C19orf38: variants seen among roughly 807,000 people sequenced by gnomAD.
C19orf38 encodes chromosome 19 open reading frame 38, also known as protein HIDE1.
In C19orf38, 14 loss-of-function variants were observed where a neutral mutation model predicts 26.6. The observed-to-expected ratio is 0.53, with a 90% confidence interval of 0.35 to 0.82. The LOEUF (loss-of-function observed/expected upper bound fraction) is 0.82, where lower values mean the gene tolerates loss of function less well. Ranked by LOEUF, C19orf38 falls within the 40% of genes least tolerant of loss-of-function variation. C19orf38 has a pLI of 0.01. For missense variants in C19orf38, 261 were observed against 299.5 expected (o/e 0.87, Z 0.95); for synonymous variants, 132 against 128.5 (o/e 1.03, Z -0.18).
intron 1 of C19orf38, among the ~76,000 whole-genome samples, chr19:10,838,479 C>T (rs1470926807): frequency 6.6e-6 from 1 of 152,136 alleles, no homozygotes; most frequent in Admixed American, 6.6e-5. Context: ...CAGTGTTGTG[C>T]AGTGACTTCT....
At chr19:10,850,620 A>G in intron 2 of C19orf38, 53 bp downstream of exon 2, 1 of 1,515,950 alleles carries the variant, frequency 6.6e-7, no homozygotes, top group Non-Finnish European at 8.9e-7. Context: ...TCTCACATGG[A>G]CCTCTTGTGT....
At chr19:10,857,366 A>ATATATATATATATATAT (rs1433358051) in intron 3 of C19orf38, among the ~76,000 whole-genome samples, 2 of 56,102 alleles carry the variant, frequency 3.6e-5, no homozygotes, top group Non-Finnish European at 5.3e-5. Flanking sequence ...ATATATATAT[A>ATATATATATATATATAT]TTTTTTTTTT....
Position 10,869,106 on chromosome 19 carries a change from G to A in C19orf38, c.544-112G>A, listed in dbSNP as rs2073778843. 23 of 1,383,796 alleles carry A rather than the reference G, an allele frequency of 1.7e-5. 1 individual carries two copies. In the South Asian group the frequency reaches 2.6e-4, roughly 16 times the overall value. 85.7% of individuals were successfully genotyped at this position (1,383,796 alleles called of 1,614,324 possible). Reference sequence around the variant, plus strand: ...GACAGGTGGGTGTGGGTGGGGGCGGGATGAGAGGAGACCTGCTGGGCTGGC... The same window carrying A: ...GACAGGTGGGTGTGGGTGGGGGCGGAATGAGAGGAGACCTGCTGGGCTGGC... On this transcript the variant is annotated intron_variant, in intron 6 of 6. Transcript: ENST00000397820.
intron 2 of C19orf38, among the ~76,000 whole-genome samples, chr19:10,850,966 C>A (rs2073566634): frequency 6.6e-6 from 1 of 152,198 alleles, no homozygotes. Context: ...ACACAGGTAA[C>A]AGGTAGCCAG....
chr19:10,864,167 C>G (rs1434403790), intron 6 of C19orf38, among the ~76,000 whole-genome samples: 1 of 151,954 alleles, frequency 6.6e-6, no homozygotes, highest in East Asian at 1.9e-4. Context: ...TCAAGCAATT[C>G]TCATGCCTCA....
intron 3 of C19orf38, among the ~76,000 whole-genome samples, chr19:10,857,335 C>CACATATATATAT (rs1345312628): frequency 1.5e-5 from 1 of 68,936 alleles, no homozygotes. Flanking sequence ...CACACACACA[C>CACATATATATAT]ATACATATAT....
intron 2 of C19orf38, among the ~76,000 whole-genome samples, chr19:10,852,288 A>G (rs2073581017): frequency 6.6e-6 from 1 of 152,140 alleles, no homozygotes; most frequent in Non-Finnish European, 1.5e-5. Context: ...GTTTCTGAGC[A>G]CTTACTATGG....
At chr19:10,856,432 C>T in intron 3 of C19orf38, 75 bp downstream of exon 3, 2 of 1,150,130 alleles carry the variant, frequency 1.7e-6, no homozygotes, top group South Asian at 2.8e-5. Context: ...CTTACACTCA[C>T]AACTCACACC....
At chr19:10,847,869 C>T (rs750171592), upstream of C19orf38, among the ~76,000 whole-genome samples, 6 of 152,072 alleles carry the variant, frequency 3.9e-5, no homozygotes, top group Non-Finnish European at 8.8e-5. Context: ...CTGCTGTCAC[C>T]CTGTCTCATT....
Position 10,858,688 on chromosome 19 carries a change from G to A in C19orf38, c.461+345G>A, listed in dbSNP as rs901010402. On this transcript the variant is annotated intron_variant, in intron 4 of 6. Transcript: ENST00000397820. ...CCTTTACCTCCAGCTGCCAGAAAACGGTCACAATCACTCTAGACACCCACA... is the reference window on the plus strand; with the variant it reads ...CCTTTACCTCCAGCTGCCAGAAAACAGTCACAATCACTCTAGACACCCACA... Among the ~76,000 whole-genome samples the A allele has an allele frequency of 5.3e-5, 8 of 152,094 alleles. No homozygotes were observed. The South Asian group carries it at 1.2e-3, about 24-fold the overall frequency.
intron 2 of C19orf38, among the ~76,000 whole-genome samples, chr19:10,854,205 G>A (rs2073602210): frequency 6.6e-6 from 1 of 151,866 alleles, no homozygotes; most frequent in Admixed American, 6.6e-5. Context: ...TGGGACTACA[G>A]GCGCCAACCA....
chr19:10,843,285 G>A (rs2073492418), intron 1 of C19orf38, among the ~76,000 whole-genome samples: 2 of 152,218 alleles, frequency 1.3e-5, no homozygotes, highest in African/African-American at 4.8e-5. Context: ...TCCAGTCCCT[G>A]GATTTGACTT....
chr19:10,841,720 C>G (rs147482811), intron 1 of C19orf38: 7,786 of 635,928 alleles, frequency 0.012, 334 homozygotes, highest in African/African-American at 0.11. Flanking sequence ...CGCCTGTAAT[C>G]CCAGCATTTT....
rs1349898865 is a variant in C19orf38, at chr19:10,856,282, G to A, written c.358G>A (p.Val120Met). ...VSFPVPTWIL[V>M]LSLSLAGALF... is the part of the protein sequence containing the mutation. ...TCCTCCAGTGCCCACTTGGATCTTG[G>A]TGCTCTCCCTGAGCCTGGCTGGTGC... The change falls in exon 3 of 7, where the codon GTG (valine) becomes ATG (methionine). Residue 120 changes from valine (V) to methionine (M), a missense_variant. Coordinates refer to ENST00000397820, the MANE Select transcript of C19orf38 (RefSeq NM_001136482.3). The A allele has an allele frequency of 6.4e-7, 1 of 1,551,138 alleles. No homozygotes were observed. The highest frequency in any genetic ancestry group is 8.7e-7 in the Non-Finnish European group (1 of 1,146,546).
At chr19:10,853,431 C>CAT (rs2073592680) in intron 2 of C19orf38, among the ~76,000 whole-genome samples, 3 of 151,838 alleles carry the variant, frequency 2.0e-5, no homozygotes, top group Admixed American at 6.6e-5. Context: ...GGATTACAGG[C>CAT]GTGCACCACC....
chr19:10,856,340 C>G lies in C19orf38; in HGVS notation c.416C>G (p.Ala139Gly). ...LFLLAGLVAVALVVRKVKLRN... is the reference protein window; with the variant it reads ...LFLLAGLVAVGLVVRKVKLRN... Reference sequence around the variant, plus strand: ...CTCCTTGCTGGGCTGGTGGCTGTTGCCCTGGTGGTCAGAAAAGGTAACAGC... The same window carrying G: ...CTCCTTGCTGGGCTGGTGGCTGTTGGCCTGGTGGTCAGAAAAGGTAACAGC... The change falls in exon 3 of 7, where the codon GCC (alanine) becomes GGC (glycine). Residue 139 changes from alanine (A) to glycine (G), a missense_variant. Coordinates refer to ENST00000397820, the MANE Select transcript of C19orf38 (RefSeq NM_001136482.3). The G allele has an allele frequency of 6.4e-7, 1 of 1,551,122 alleles. No homozygotes were observed. Among genetic ancestry groups the G allele is most frequent in the Non-Finnish European group, 8.7e-7 (1 of 1,146,586 alleles).
At position 10,869,758 on chromosome 19, in the gene C19orf38, TAA is replaced by T. The variant is rs2073786114; in HGVS notation, c.*392_*393del. 1.6e-5 allele frequency: 3 copies of T among 192,724 alleles called. No homozygotes were observed. Among genetic ancestry groups the T allele is most frequent in the Non-Finnish European group, 3.1e-5 (3 of 95,626 alleles). 11.9% of individuals were successfully genotyped at this position (192,724 alleles called of 1,614,324 possible). On this transcript the variant is annotated 3_prime_UTR_variant, in exon 7 of 7. Transcript: ENST00000397820. Reference sequence around the variant, plus strand: ...TTGTGTGTCTGCCTGCTGGCTTGCTTAAGTTATTAATTATAACACGGGTCAAG... The same window carrying T: ...TTGTGTGTCTGCCTGCTGGCTTGCTTGTTATTAATTATAACACGGGTCAAG...
rs543470390 is a variant in C19orf38 at position 10,861,921 on chromosome 19, C to G, written c.506-1249C>G. ...TTTTTTGTTTGTTTTTGTTTTGAGG[C>G]GGAGTCTCACTCTGTCGCCCAGGCT... is the stretch of plus-strand genomic sequence containing the variant. On this transcript the variant is annotated intron_variant, in intron 5 of 6. Coordinates refer to ENST00000397820, the MANE Select transcript of C19orf38 (RefSeq NM_001136482.3). 7.4e-5 allele frequency among the ~76,000 whole-genome samples: 11 copies of G among 148,820 alleles called. No individual in the cohort carries two copies. The South Asian group carries it at 2.1e-3, about 29-fold the overall frequency.
intron 6 of C19orf38, among the ~76,000 whole-genome samples, chr19:10,868,227 T>C (rs2073771448): frequency 6.6e-6 from 1 of 152,230 alleles, no homozygotes; most frequent in Non-Finnish European, 1.5e-5. Flanking sequence ...GAGTGTCTGA[T>C]ATGCAACTTT....
Sources: gnomAD v4.1 joint callset for allele counts (sites outside exome capture counted in the v4.1 genomes callset) on GRCh38, gnomAD v4.1.1 for gene constraint, MANE v1.5 for transcripts, NCBI Gene and HGNC (gene_info 2026-07-23, HGNC 2026-07-21) for gene names.